Variants in C4orf50 observed in about 807,000 individuals in gnomAD.
The protein encoded by C4orf50 is uncharacterized protein C4orf50.
Under a neutral mutation model 77.2 loss-of-function variants are expected in C4orf50, and 80 were observed. That is an observed-to-expected ratio of 1.04 (90% CI 0.87 to 1.25). C4orf50 has a LOEUF of 1.25. C4orf50 is among the 50% of genes most tolerant of loss of function. The probability of loss-of-function intolerance (pLI) is 0.00; values close to 1 mark genes in which losing one functional copy is unlikely to be tolerated. For synonymous variants in C4orf50, 532 were observed against 465.3 expected (o/e 1.14, Z -1.84); for missense variants, 1,257 against 1,152.9 (o/e 1.09, Z -1.31).
rs1374245526 is a variant in C4orf50, at chr4:5,932,750, TAAA to T, written c.*2474+24148_*2474+24150del. On this transcript the variant is annotated intron_variant, in intron 7 of 7. Coordinates refer to the C4orf50 transcript ENST00000324058. The surrounding 1 kb of genome is among the most constrained non-coding windows in gnomAD (Gnocchi z 4.2). The stretch of plus-strand genomic sequence containing the variant: ...AGTCACTGCACCCACATTACAGTAT[TAAA>T]AAAGCAAGAGAGCTGGATTTCAATC... Among the ~76,000 whole-genome samples the T allele has an allele frequency of 2.0e-5, 3 of 152,128 alleles. No homozygotes were observed. Among genetic ancestry groups the T allele is most frequent in the Non-Finnish European group, 2.9e-5 (2 of 68,018 alleles).
At chr4:5,982,989 T>G (rs1193519981) in intron 28 of C4orf50, among the ~76,000 whole-genome samples, 3 of 152,072 alleles carry the variant, frequency 2.0e-5, no homozygotes, top group Non-Finnish European at 4.4e-5. Flanking sequence ...TGTAGGAAAT[T>G]TGGATCTCAT....
At chr4:5,990,249 C>T in exon 28 of C4orf50, 1 of 1,227,044 alleles carries the variant, frequency 8.1e-7, no homozygotes, top group Non-Finnish European at 1.0e-6. Flanking sequence ...CCTGCACGTC[C>T]TCTGCAGCTC....
chr4:5,981,519 C>T (rs1720587901), intron 28 of C4orf50, among the ~76,000 whole-genome samples: 2 of 151,786 alleles, frequency 1.3e-5, no homozygotes, highest in South Asian at 4.2e-4. Flanking sequence ...ATTCTCCTGC[C>T]TCAGCCTCCC....
At chr4:5,981,474 G>A (rs376250989) in intron 28 of C4orf50, among the ~76,000 whole-genome samples, 3 of 147,660 alleles carry the variant, frequency 2.0e-5, no homozygotes, top group South Asian at 2.2e-4. Context: ...GCATGACCTC[G>A]GCTCACCGCA....
chr4:5,975,472 C>G (rs571353868), intron 30 of C4orf50, among the ~76,000 whole-genome samples: 32 of 150,422 alleles, frequency 2.1e-4, no homozygotes, highest in Non-Finnish European at 3.7e-4. Flanking sequence ...TGCTTTCTGT[C>G]TCCTTCATTC....
chr4:5,999,161 C>T lies in C4orf50; in HGVS notation c.964-4685G>A, dbSNP rs141612754. Among the ~76,000 whole-genome samples, 327 of 152,344 alleles carry T rather than the reference C, an allele frequency of 2.1e-3. 2 individuals are homozygous for T. The highest frequency in any genetic ancestry group is 7.0e-3 in the African/African-American group (289 of 41,572). ...TTGTGAATATGAAGCAAAGGAAACA[C>T]ACTTTTATAATGACTGCCTTTGCCA... On this transcript the variant is annotated intron_variant, in intron 25 of 33. Transcript: ENST00000531445.
At position 6,009,968 on chromosome 4, in the gene C4orf50, C is replaced by T. The variant is rs981611295; in HGVS notation, c.427-1436G>A. ...ATGAGACAGATTTAATAAGACGACG[C>T]GTGTAGAAAAGGGCTTAGTGTTCCC... On this transcript the variant is annotated intron_variant, in intron 24 of 33. Transcript: ENST00000531445. This position sits in a 1 kb window ranked among gnomAD's most constrained non-coding sequence, Gnocchi z 5.6. Among the ~76,000 whole-genome samples, 1 of 152,070 alleles carries T rather than the reference C, an allele frequency of 6.6e-6. No individual in the cohort carries two copies. The highest frequency in any genetic ancestry group is 2.4e-5 in the African/African-American group (1 of 41,404).
chr4:5,980,296 G>T, exon 29 of C4orf50: 1 of 1,612,796 alleles, frequency 6.2e-7, no homozygotes, highest in Non-Finnish European at 8.5e-7. Context: ...TGGGCCCGCA[G>T]CCTGGGATCC....
At position 6,015,139 on chromosome 4, in the gene C4orf50, C is replaced by T. The variant is rs1030071803; in HGVS notation, c.287+3006G>A. Among the ~76,000 whole-genome samples, 3 of 152,210 alleles carry T rather than the reference C, an allele frequency of 2.0e-5. No homozygotes were observed. Among genetic ancestry groups the T allele is most frequent in the Non-Finnish European group, 2.9e-5 (2 of 68,036 alleles). On this transcript the variant is annotated intron_variant, in intron 23 of 33. Coordinates refer to ENST00000531445, the Ensembl canonical transcript of C4orf50. The surrounding 1 kb of genome is among the most constrained non-coding windows in gnomAD (Gnocchi z 4.4). ...CCCCAACTCTCAGCACCCAGGACTT[C>T]TGTTATGGGCTCAACACATCCCTGC...
chr4:6,008,595 G>C lies in C4orf50; in HGVS notation c.427-63C>G. On this transcript the variant is annotated intron_variant, in intron 24 of 33. Transcript: ENST00000531445. This position sits in a 1 kb window ranked among gnomAD's most constrained non-coding sequence, Gnocchi z 6.0. ...AAAGGACACACCATGGTTCACATTG[G>C]TCCTGTCTTGACTTAACATTTCTGT... The C allele has an allele frequency of 2.5e-6, 1 of 396,236 alleles. No homozygotes were observed. The highest frequency in any genetic ancestry group is 4.5e-6 in the Non-Finnish European group (1 of 224,518). The allele number at this position is 396,236 out of a possible 1,614,324, so 24.5% of individuals were successfully genotyped here. A position where few individuals can be genotyped will look rare whatever the true frequency, so the allele number is the denominator to read the frequency against.
chr4:5,939,125 C>A (rs2108749836), intron 7 of C4orf50, among the ~76,000 whole-genome samples: 1 of 152,218 alleles, frequency 6.6e-6, no homozygotes. Context: ...CCTATGTAAT[C>A]CCAGCTACTC....
chr4:5,898,692 A>G (rs1179827069), intron 7 of C4orf50: 1 of 152,236 alleles, frequency 6.6e-6, no homozygotes, highest in Non-Finnish European at 1.5e-5. Flanking sequence ...CGACTTTAAA[A>G]AGAAAATACT....
intron 23 of C4orf50, among the ~76,000 whole-genome samples, chr4:6,014,866 G>C (rs1481120012): frequency 6.6e-6 from 1 of 152,142 alleles, no homozygotes; most frequent in Admixed American, 6.5e-5. Context: ...AGAGAACAGA[G>C]GACTCGAGCC....
chr4:6,014,932 T>G (rs144373941), intron 23 of C4orf50, among the ~76,000 whole-genome samples: 132 of 152,302 alleles, frequency 8.7e-4, no homozygotes, highest in Non-Finnish European at 1.6e-3. Context: ...GCTCATGGTG[T>G]CCCCCTGGGA....
chr4:5,912,891 C>A (rs1479431565), intron 7 of C4orf50, among the ~76,000 whole-genome samples: 1 of 152,162 alleles, frequency 6.6e-6, no homozygotes, highest in African/African-American at 2.4e-5. Context: ...TGACATGTGG[C>A]AGGGGAAATG....
chr4:5,986,567 C>T (rs1720873658), intron 28 of C4orf50, among the ~76,000 whole-genome samples: 1 of 140,498 alleles, frequency 7.1e-6, no homozygotes, highest in Non-Finnish European at 1.5e-5. Context: ...GAGACAGAGT[C>T]TTGCTCTGTT....
exon 28 of C4orf50, chr4:5,989,739 T>C: frequency 1.3e-6 from 2 of 1,535,110 alleles, no homozygotes; most frequent in East Asian, 2.4e-5. Context: ...TGGGAAACAG[T>C]GGCAAACCTG....
rs1719096835 is a variant in C4orf50 at position 5,958,566 on chromosome 4, C to T, written c.*809G>A. ...CCCGTTGCTCAGGGCACATGTGACA[C>T]TTGCGTGCGTGCTGATTTACTCACA... On this transcript the variant is annotated 3_prime_UTR_variant, in exon 34 of 34. Transcript: ENST00000531445. The surrounding 1 kb of genome is among the most constrained non-coding windows in gnomAD (Gnocchi z 5.4). 1 of 152,132 alleles carries T rather than the reference C, an allele frequency of 6.6e-6. No individual in the cohort carries two copies. The highest frequency in any genetic ancestry group is 1.5e-5 in the Non-Finnish European group (1 of 68,040). The allele number at this position is 152,132 out of a possible 1,614,324, so 9.4% of individuals were successfully genotyped here. A position where few individuals can be genotyped will look rare whatever the true frequency, so the allele number is the denominator to read the frequency against.
At chr4:5,975,930 T>C (rs780452806) in exon 30 of C4orf50, 5 of 1,613,984 alleles carry the variant, frequency 3.1e-6, no homozygotes, top group South Asian at 1.1e-5. Context: ...CTTTGCTTCA[T>C]GTTGCTTTTT....
Sources: allele counts gnomAD v4.1 joint callset (sites outside exome capture counted in the v4.1 genomes callset), GRCh38; gene constraint gnomAD v4.1.1; non-coding constraint Gnocchi (gnomAD v3.1); transcripts MANE v1.5; gene names NCBI Gene and HGNC (gene_info 2026-07-23, HGNC 2026-07-21).